Variants in TRPM2 observed in about 807,000 individuals in gnomAD.
TRPM2 encodes the protein transient receptor potential cation channel subfamily M member 2.
In TRPM2, 161 loss-of-function variants were observed where a neutral mutation model predicts 174.0. The observed-to-expected ratio is 0.93, with a 90% CI of 0.81 to 1.05. The LOEUF (loss-of-function observed/expected upper bound fraction) is 1.05, where lower values mean the gene tolerates loss of function less well. Ranked by LOEUF, TRPM2 falls within the 50% of genes least tolerant of loss-of-function variation. TRPM2 has a pLI of 0.00. For synonymous variants in TRPM2, 954 were observed against 861.3 expected (o/e 1.11, Z -1.88); for missense variants, 2,057 against 2,038.0 (o/e 1.01, Z -0.18).
chr21:44,379,869 C>T (rs989006732), intron 8 of TRPM2, among the ~76,000 whole-genome samples: 5 of 152,178 alleles, frequency 3.3e-5, no homozygotes, highest in African/African-American at 7.2e-5. Flanking sequence ...GGCACTGGGG[C>T]CTTTTCATCC....
rs1302666596 is a variant in TRPM2 at position 44,401,902 on chromosome 21, A to G, written c.2538+5A>G. ...GTGTGCGAGGAGATGCGGCAGGTAC[A>G]GCCCCACCCGCTTTTCCACGCCCCA... On this transcript the variant is annotated splice_donor_5th_base_variant and intron_variant, in intron 16 of 31. Transcript: ENST00000397928. The G allele has an allele frequency of 1.2e-6, 2 of 1,613,354 alleles. No homozygotes were observed. Among genetic ancestry groups the G allele is most frequent in the Non-Finnish European group, 1.7e-6 (2 of 1,179,940 alleles).
rs150208556 is a variant in TRPM2 at position 44,359,661 on chromosome 21, G to A, written c.255-4453G>A. 4.6e-3 allele frequency among the ~76,000 whole-genome samples: 670 copies of A among 145,444 alleles called. 5 individuals carry two copies. Among genetic ancestry groups the A allele is most frequent in the African/African-American group, 0.016 (569 of 35,848 alleles). ...CCTGCTGATTGGTCCATTTTACAGA[G>A]CGCTGATTGGTCCATTTTACAGAGC... is the stretch of plus-strand genomic sequence containing the variant. On this transcript the variant is annotated intron_variant, in intron 2 of 31. Transcript: ENST00000397928.
chr21:44,383,612 C>T (rs1426704851), intron 9 of TRPM2, among the ~76,000 whole-genome samples: 2 of 152,234 alleles, frequency 1.3e-5, no homozygotes, highest in East Asian at 1.9e-4. Context: ...CATATTAGAC[C>T]ACAAATTAAG....
intron 13 of TRPM2, among the ~76,000 whole-genome samples, chr21:44,398,988 T>C (rs2049520188): frequency 6.6e-6 from 1 of 152,170 alleles, no homozygotes; most frequent in African/African-American, 2.4e-5. Flanking sequence ...TAGTGTGGCC[T>C]ATGCCCAGGA....
intron 19 of TRPM2, among the ~76,000 whole-genome samples, chr21:44,408,099 C>T (rs940352833): frequency 6.6e-6 from 1 of 151,802 alleles, no homozygotes; most frequent in African/African-American, 2.4e-5. Flanking sequence ...GCACCTGCTA[C>T]CACGCTTGGC....
At chr21:44,392,891 A>G (rs890120652) in intron 11 of TRPM2, among the ~76,000 whole-genome samples, 2 of 152,124 alleles carry the variant, frequency 1.3e-5, no homozygotes, top group East Asian at 3.8e-4. Context: ...CCCAGGGTGC[A>G]CTGCAGCTGT....
intron 23 of TRPM2, 37 bp downstream of exon 23, chr21:44,423,769 ACTGCTGGGC>A (rs747017686): frequency 3.3e-6 from 5 of 1,536,576 alleles, no homozygotes; most frequent in Non-Finnish European, 4.4e-6. Context: ...AGGAGGTGCC[ACTGCTGGGC>A]CTGGTGGGCG....
At chr21:44,407,093 C>G (rs74900910) in intron 19 of TRPM2, among the ~76,000 whole-genome samples, 2,953 of 142,906 alleles carry the variant, frequency 0.021, 72 homozygotes, top group Non-Finnish European at 0.028. Context: ...TCACCTCAAT[C>G]AGAAATAACT....
chr21:44,435,135 C>A lies in TRPM2; in HGVS notation c.3979C>A (p.Pro1327Thr), dbSNP rs1218949416. The change falls in exon 28 of 32, where the codon CCC (proline) becomes ACC (threonine). Residue 1327 changes from proline to threonine, a missense_variant. By Grantham distance (38) the Pro-to-Thr change is conservative. Transcript: ENST00000397928. ...CTCAACCCCTCTGCATCCCAGGAACCCCATGGGCCGCACAGGACTGCGTGG... is the reference window on the plus strand; with the variant it reads ...CTCAACCCCTCTGCATCCCAGGAACACCATGGGCCGCACAGGACTGCGTGG... ...YTVQAGLPLN[P>T]MGRTGLRGRG... 2 of 1,612,738 alleles carry A rather than the reference C, an allele frequency of 1.2e-6. No homozygotes were observed. Among genetic ancestry groups the A allele is most frequent in the African/African-American group, 1.3e-5 (1 of 75,014 alleles).
chr21:44,392,670 A>G lies in TRPM2; in HGVS notation c.1794+1045A>G, dbSNP rs572379131. On this transcript the variant is annotated intron_variant, in intron 11 of 31. Transcript: ENST00000397928. ...CTTAAAGGCCCTATCTCCAAATGCT[A>G]TAGTCACACTGGGGGTTAGGGCTTC... 3.9e-5 allele frequency among the ~76,000 whole-genome samples: 6 copies of G among 152,176 alleles called. No individual in the cohort carries two copies. In the East Asian group the frequency reaches 9.7e-4, roughly 25 times the overall value.
rs2050189710 is a variant in TRPM2 at position 44,413,935 on chromosome 21, C to T, written c.3007C>T (p.Pro1003Ser). 6.2e-7 allele frequency: 1 copy of T among 1,613,974 alleles called. No homozygotes were observed. The highest frequency in any genetic ancestry group is 8.5e-7 in the Non-Finnish European group (1 of 1,179,984). Reference sequence around the variant, plus strand: ...GCACTGCAGCCCCAATGGCACCGACCCCTACAAGCCTAAGTGCCCCGAGAG... The same window carrying T: ...GCACTGCAGCCCCAATGGCACCGACTCCTACAAGCCTAAGTGCCCCGAGAG... ...PEHCSPNGTD[P>S]YKPKCPESDA... Residue 1003 changes from proline (P) to serine (S), a missense_variant, in exon 20 of 32, where the codon CCC (proline) becomes TCC (serine). Physicochemically the swap from Pro to Ser is moderately conservative, Grantham distance 74 (BLOSUM62 -1). Coordinates refer to ENST00000397928, the MANE Select transcript of TRPM2 (RefSeq NM_003307.4).
intron 30 of TRPM2, among the ~76,000 whole-genome samples, chr21:44,440,308 A>G (rs1162147868): frequency 0.17 from 1,115 of 6,422 alleles, 46 homozygotes; most frequent in African/African-American, 0.35. Context: ...TGCGCTCAAA[A>G]AAAAAAAAAA....
chr21:44,418,710 C>T (rs566141361), intron 22 of TRPM2, among the ~76,000 whole-genome samples, 155 bp downstream of exon 22: 1 of 152,294 alleles, frequency 6.6e-6, no homozygotes, highest in Non-Finnish European at 1.5e-5. Flanking sequence ...ATGCTGCAGG[C>T]ATCCGGGCCT....
At chr21:44,404,054 T>C (rs1397216597) in intron 16 of TRPM2, among the ~76,000 whole-genome samples, 2 of 151,440 alleles carry the variant, frequency 1.3e-5, no homozygotes, top group African/African-American at 4.9e-5. Flanking sequence ...TATACACATA[T>C]ACATACATAT....
At position 44,364,359 on chromosome 21, in the gene TRPM2, T is replaced by C. The variant is rs2048299929; in HGVS notation, c.423+77T>C. The C allele has an allele frequency of 7.1e-6, 11 of 1,548,564 alleles. No individual in the cohort carries two copies. The South Asian group carries it at 1.3e-4, about 19-fold the overall frequency. On this transcript the variant is annotated intron_variant, in intron 3 of 31. Transcript: ENST00000397928. ...ACAGTGACACGCGGTGGTCGGCATT[T>C]CCTGGGGCAAGAGCAGGAGGCTGGC...
At chr21:44,434,925 A>G (rs937006449) in intron 27 of TRPM2, among the ~76,000 whole-genome samples, 1 of 152,050 alleles carries the variant, frequency 6.6e-6, no homozygotes, top group African/African-American at 2.4e-5. Flanking sequence ...GGTGACCCCG[A>G]GTTAACCCAG....
intron 9 of TRPM2, among the ~76,000 whole-genome samples, chr21:44,390,138 C>T (rs1332804782): frequency 1.3e-5 from 2 of 152,046 alleles, no homozygotes; most frequent in Admixed American, 6.6e-5. Flanking sequence ...TCCCAAAATG[C>T]GGGATTACAG....
At chr21:44,418,243 C>G in intron 21 of TRPM2, 135 bp downstream of exon 21, 1 of 1,390,420 alleles carries the variant, frequency 7.2e-7, no homozygotes, top group South Asian at 1.4e-5. Flanking sequence ...TGGCCTTCTG[C>G]TGGCCTTGAG....
chr21:44,401,621 G>A, intron 15 of TRPM2, 60 bp from the exon 16 acceptor site: 7 of 1,571,180 alleles, frequency 4.5e-6, no homozygotes, highest in Middle Eastern at 1.7e-4. Context: ...GCCAAAGCCT[G>A]TGGAGGTCAG....
Sources: gnomAD v4.1 joint callset for allele counts (sites outside exome capture counted in the v4.1 genomes callset) on GRCh38, gnomAD v4.1.1 for gene constraint, MANE v1.5 for transcripts, NCBI Gene and HGNC (gene_info 2026-07-23, HGNC 2026-07-21) for gene names.